The following TRDN variants were observed in gnomAD, a reference collection of about 807,000 sequenced individuals.
TRDN encodes triadin in skeletal muscle.
A neutral mutation model predicts 149.7 loss-of-function variants in TRDN; 161 were observed. The observed-to-expected ratio is 1.08, with a 90% CI of 0.95 to 1.23. TRDN has a LOEUF of 1.23. Among genes scored for constraint, TRDN ranks in the 50% most tolerant of loss-of-function variants. The pLI is 0.00. For missense variants in TRDN, 896 were observed against 823.5 expected (o/e 1.09, Z -1.08); for synonymous variants, 294 against 250.5 (o/e 1.17, Z -1.64).
intron 15 of TRDN, among the ~76,000 whole-genome samples, 163 bp downstream of exon 15, chr6:123,381,955 C>T (rs986951346): frequency 1.4e-5 from 2 of 142,092 alleles, no homozygotes; most frequent in South Asian, 2.7e-4. Context: ...ATAGATTTGG[C>T]GCTCTCTCTC....
intron 21 of TRDN, chr6:123,352,091 G>T: frequency 1.0e-6 from 1 of 978,618 alleles, no homozygotes; most frequent in Middle Eastern, 5.3e-4. Context: ...CTCTATTTTT[G>T]CTGTTATTTT....
At chr6:123,361,424 T>C (rs1780896440) in intron 20 of TRDN, among the ~76,000 whole-genome samples, 2 of 151,980 alleles carry the variant, frequency 1.3e-5, no homozygotes, top group Admixed American at 1.3e-4. Context: ...CTAATGTAGA[T>C]GATGGGTTGA....
At chr6:123,219,142 A>T (rs1775051821) in intron 40 of TRDN, among the ~76,000 whole-genome samples, 1 of 151,862 alleles carries the variant, frequency 6.6e-6, no homozygotes, top group South Asian at 2.1e-4. Context: ...AAAGCAACAG[A>T]CTGTGTGTGT....
chr6:123,291,002 C>G (rs930973696), intron 24 of TRDN, among the ~76,000 whole-genome samples: 2 of 151,670 alleles, frequency 1.3e-5, no homozygotes, highest in Non-Finnish European at 2.9e-5. Flanking sequence ...ATTAAAAATA[C>G]AAAAATTAGC....
chr6:123,273,293 T>A (rs2114616363), intron 28 of TRDN, 44 bp downstream of exon 28: 1 of 1,085,198 alleles, frequency 9.2e-7, no homozygotes, highest in South Asian at 1.7e-5. Flanking sequence ...TTCAATATTT[T>A]TTCGTAAGAA....
At chr6:123,443,996 G>C (rs192245085) in intron 10 of TRDN, among the ~76,000 whole-genome samples, 1 of 151,032 alleles carries the variant, frequency 6.6e-6, no homozygotes, top group African/African-American at 2.5e-5. Context: ...TTGACTTGGC[G>C]ATGTAGGCTC....
intron 4 of TRDN, among the ~76,000 whole-genome samples, chr6:123,547,057 A>G (rs1781148391): frequency 6.6e-6 from 1 of 152,148 alleles, no homozygotes; most frequent in Admixed American, 6.6e-5. Context: ...CTAAGGCTAC[A>G]GAATTCTCCC....
chr6:123,261,162 A>G (rs187638625), intron 33 of TRDN, among the ~76,000 whole-genome samples: 2 of 151,972 alleles, frequency 1.3e-5, no homozygotes. Flanking sequence ...AAAACATACG[A>G]TATAATTAAT....
At chr6:123,361,396 T>C (rs1382377714) in intron 20 of TRDN, among the ~76,000 whole-genome samples, 3 of 151,900 alleles carry the variant, frequency 2.0e-5, no homozygotes, top group African/African-American at 7.3e-5. Context: ...AAGGGAGGGA[T>C]AGCATTAGGA....
At position 123,392,666 on chromosome 6, in the gene TRDN, AG is replaced by A. The variant is rs752545319; in HGVS notation, c.1105+957del. On this transcript the variant is annotated intron_variant, in intron 13 of 40. Coordinates refer to ENST00000334268, the MANE Select transcript of TRDN (RefSeq NM_006073.4). ...TGTGAAAACTAAAAACTGGTATCAT[AG>A]CTTTTAATCATTCTAGCTTATTTTG... is the stretch of plus-strand genomic sequence containing the variant. 3.9e-5 allele frequency among the ~76,000 whole-genome samples: 6 copies of A among 152,202 alleles called. No homozygotes were observed. In the South Asian group the frequency reaches 1.2e-3, roughly 32 times the overall value.
At chr6:123,456,688 C>CT (rs1776143758) in intron 10 of TRDN, 1 of 388,852 alleles carries the variant, frequency 2.6e-6, no homozygotes, top group Middle Eastern at 3.7e-4. Flanking sequence ...AGGCTGGTCT[C>CT]TAACTCCTGA....
chr6:123,621,839 G>A (rs911296650), intron 1 of TRDN, among the ~76,000 whole-genome samples: 5 of 152,098 alleles, frequency 3.3e-5, no homozygotes, highest in Admixed American at 1.3e-4. Context: ...ATTGGGAAGC[G>A]ACACCAAAGT....
chr6:123,472,892 T>C (rs1260691296), intron 9 of TRDN, among the ~76,000 whole-genome samples: 2 of 152,076 alleles, frequency 1.3e-5, no homozygotes, highest in Non-Finnish European at 2.9e-5. Context: ...TCCTGTCTGT[T>C]AGAAGGAAAA....
intron 10 of TRDN, among the ~76,000 whole-genome samples, chr6:123,463,319 C>T (rs1454411416): frequency 6.8e-6 from 1 of 147,570 alleles, no homozygotes; most frequent in Non-Finnish European, 1.5e-5. Flanking sequence ...GCCTGGGCAG[C>T]AGAGCAAGAC....
At chr6:123,633,569 G>A (rs1287816079) in intron 1 of TRDN, among the ~76,000 whole-genome samples, 1 of 151,960 alleles carries the variant, frequency 6.6e-6, no homozygotes, top group Non-Finnish European at 1.5e-5. Context: ...TTAATACAGT[G>A]CTTGACATCT....
intron 12 of TRDN, among the ~76,000 whole-genome samples, chr6:123,436,055 C>T (rs917282305): frequency 1.3e-5 from 2 of 152,048 alleles, no homozygotes; most frequent in African/African-American, 4.8e-5. Flanking sequence ...TTGCCAAAAA[C>T]ACGTTTTCAG....
intron 5 of TRDN, among the ~76,000 whole-genome samples, chr6:123,520,058 A>G (rs1779601934): frequency 1.3e-5 from 2 of 152,236 alleles, no homozygotes; most frequent in South Asian, 4.1e-4. Context: ...CAATAAGGCC[A>G]GATCTCTTGG....
In TRDN at chr6:123,375,598, A is replaced by G; in HGVS notation, c.1273+7T>C. The G allele has an allele frequency of 6.5e-7, 1 of 1,535,288 alleles. No homozygotes were observed. The highest frequency in any genetic ancestry group is 8.8e-7 in the Non-Finnish European group (1 of 1,139,338). ...ATGCTCTTCTTTAAAAATTTTGTTC[A>G]ACATACTTGCTTTTACTTGTTTGTC... On this transcript the variant is annotated splice_region_variant and intron_variant, in intron 19 of 40. Transcript: ENST00000334268.
At chr6:123,476,755 G>A (rs959106507) in intron 9 of TRDN, among the ~76,000 whole-genome samples, 22 of 149,266 alleles carry the variant, frequency 1.5e-4, no homozygotes, top group African/African-American at 2.2e-4. Context: ...AAATAACGCC[G>A]CATATCTATA....
Sources: gnomAD v4.1 joint callset for allele counts (sites outside exome capture counted in the v4.1 genomes callset) on GRCh38, gnomAD v4.1.1 for gene constraint, MANE v1.5 for transcripts, NCBI Gene and HGNC (gene_info 2026-07-23, HGNC 2026-07-21) for gene names.